Variants in ZXDC observed in about 807,000 individuals in gnomAD.
ZXDC encodes the protein zinc finger protein ZXDC.
A neutral mutation model predicts 63.6 loss-of-function variants in ZXDC; 58 were observed. The observed-to-expected ratio is 0.91, with a 90% confidence interval of 0.74 to 1.13. The LOEUF (loss-of-function observed/expected upper bound fraction) is 1.13. Ranked by LOEUF, ZXDC falls within the 50% of genes most tolerant of loss-of-function variation. ZXDC has a pLI of 0.00. For synonymous variants in ZXDC, 561 were observed against 496.1 expected (o/e 1.13, Z -1.74); for missense variants, 1,133 against 1,148.9 (o/e 0.99, Z 0.20).
intron 1 of ZXDC, among the ~76,000 whole-genome samples, chr3:126,472,984 T>C (rs1481655070): frequency 6.6e-6 from 1 of 152,202 alleles, no homozygotes; most frequent in Non-Finnish European, 1.5e-5. Flanking sequence ...GGCTGCAGGA[T>C]GTTTAACAGG....
Position 126,472,304 on chromosome 3 carries a change from G to A in ZXDC, c.909C>T (p.Gly303=). The A allele has an allele frequency of 6.2e-7, 1 of 1,604,008 alleles. No individual in the cohort carries two copies. Among genetic ancestry groups the A allele is most frequent in the Non-Finnish European group, 8.5e-7 (1 of 1,171,766 alleles). ...PERPYKCDFP[G]CEKTFITVSA... ...TCACTGTGATAAATGTCTTCTCACAGCCTGAACAAGGAAAACACAAACCCT... is the reference window on the plus strand; with the variant it reads ...TCACTGTGATAAATGTCTTCTCACAACCTGAACAAGGAAAACACAAACCCT... The change falls in exon 2 of 10, where the codon GGC becomes GGT. Residue 303 remains glycine, a splice_region_variant and synonymous_variant. Transcript: ENST00000389709.
At chr3:126,459,486 A>T (rs1392171819) in intron 7 of ZXDC, 167 bp downstream of exon 7, 2 of 985,302 alleles carry the variant, frequency 2.0e-6, no homozygotes, top group Non-Finnish European at 2.4e-6. Flanking sequence ...TTTGTTACTA[A>T]TTTTTTCCCT....
chr3:126,438,479 G>C lies in ZXDC; in HGVS notation c.2491-18C>G, dbSNP rs768410615. ...AGCACCTCCTGCAAAACCAAGCATT[G>C]TCATGAAGAGGGAGGAGGGAGGGGA... On this transcript the variant is annotated intron_variant, in intron 9 of 9. Transcript: ENST00000389709. 8 of 1,609,888 alleles carry C rather than the reference G, an allele frequency of 5.0e-6. No homozygotes were observed. The South Asian group carries it at 8.8e-5, about 18-fold the overall frequency.
chr3:126,457,843 GCGGAGTTTTA>G (rs1576676008), intron 7 of ZXDC, among the ~76,000 whole-genome samples: 1 of 152,278 alleles, frequency 6.6e-6, no homozygotes, highest in East Asian at 1.9e-4. Flanking sequence ...CCCACCTGCA[GCGGAGTTTTA>G]CCAACCAACC....
chr3:126,445,072 C>G (rs1471671069), intron 7 of ZXDC, among the ~76,000 whole-genome samples: 1 of 152,162 alleles, frequency 6.6e-6, no homozygotes, highest in Non-Finnish European at 1.5e-5. Context: ...TCTTTTCAAT[C>G]CGCACATTTA....
At chr3:126,439,839 C>CCCCT in intron 8 of ZXDC, 112 bp from the exon 9 acceptor site, 1 of 1,455,420 alleles carries the variant, frequency 6.9e-7, no homozygotes, top group Non-Finnish European at 9.0e-7. Flanking sequence ...ACCAGCCCAC[C>CCCCT]CCCTGTATTC....
In ZXDC at chr3:126,455,298, T is replaced by C. The variant is rs937731764; in HGVS notation, c.2212+4355A>G. 3.3e-5 allele frequency among the ~76,000 whole-genome samples: 5 copies of C among 152,246 alleles called. No individual in the cohort carries two copies. The East Asian group carries it at 9.6e-4, about 29-fold the overall frequency. ...ATGTAGTAACTAGTGGTATTAATAA[T>C]ATATGTACCATATTATCTAAAATTT... On this transcript the variant is annotated intron_variant, in intron 7 of 9. Coordinates refer to ENST00000389709, the MANE Select transcript of ZXDC (RefSeq NM_025112.5).
At chr3:126,454,489 T>C in intron 7 of ZXDC, 5 of 985,426 alleles carry the variant, frequency 5.1e-6, no homozygotes, top group Non-Finnish European at 6.0e-6. Context: ...TGCCTTTGCT[T>C]TATTTTACCC....
At chr3:126,464,474 G>C (rs1175671482) in intron 5 of ZXDC, among the ~76,000 whole-genome samples, 1 of 152,194 alleles carries the variant, frequency 6.6e-6, no homozygotes, top group Non-Finnish European at 1.5e-5. Flanking sequence ...TTTTTCACTA[G>C]ACGAAAGGGT....
intron 7 of ZXDC, chr3:126,454,057 T>C (rs1403956547): frequency 1.4e-6 from 1 of 730,560 alleles, no homozygotes; most frequent in East Asian, 1.5e-4. Context: ...TACACATATA[T>C]ATATATATTT....
chr3:126,463,585 G>A (rs939319038), intron 5 of ZXDC, among the ~76,000 whole-genome samples: 1 of 152,220 alleles, frequency 6.6e-6, no homozygotes, highest in African/African-American at 2.4e-5. Context: ...GATGCTTCAA[G>A]CATCAAGCAA....
At chr3:126,452,174 A>T (rs1934129444) in intron 7 of ZXDC, 1 of 985,262 alleles carries the variant, frequency 1.0e-6, no homozygotes, top group East Asian at 1.1e-4. Context: ...CAGCCCCAGC[A>T]CCAGAACATG....
intron 7 of ZXDC, chr3:126,443,291 C>G (rs1933751227): frequency 1.3e-5 from 2 of 152,238 alleles, no homozygotes. Flanking sequence ...TCATCTCTGA[C>G]TGTTCTCCAC....
chr3:126,443,147 A>G (rs1933746700), intron 7 of ZXDC: 1 of 152,188 alleles, frequency 6.6e-6, no homozygotes, highest in African/African-American at 2.4e-5. Context: ...TGAAGTGCAA[A>G]TGCTAACCAG....
At chr3:126,461,316 AT>A (rs1474656715) in intron 6 of ZXDC, 65 of 1,360,374 alleles carry the variant, frequency 4.8e-5, no homozygotes, top group Middle Eastern at 2.7e-4. Context: ...ATTTAGCCAA[AT>A]CTCCTTATGC....
Position 126,475,327 on chromosome 3 carries a change from G to C in ZXDC, c.539C>G (p.Pro180Arg). Residue 180 changes from proline (P) to arginine (R), a missense_variant, in exon 1 of 10, where the codon CCG (proline) becomes CGG (arginine). Pro to Arg is a moderately radical substitution (Grantham distance 103). Coordinates refer to ENST00000389709, the MANE Select transcript of ZXDC (RefSeq NM_025112.5). Reference protein sequence around the residue: ...PSTPGYRCPEPQCALAFAKKH... With the variant: ...PSTPGYRCPERQCALAFAKKH... ...CTTGGCGAAGGCCAGCGCGCACTGC[G>C]GCTCGGGGCAGCGGTAGCCGGGCGT... 6.5e-7 allele frequency: 1 copy of C among 1,542,610 alleles called. No individual in the cohort carries two copies. Among genetic ancestry groups the C allele is most frequent in the Admixed American group, 2.0e-5 (1 of 50,580 alleles).
At chr3:126,459,569 C>T (rs1934438328) in intron 7 of ZXDC, 84 bp downstream of exon 7, 3 of 1,600,748 alleles carry the variant, frequency 1.9e-6, no homozygotes, top group South Asian at 1.1e-5. Flanking sequence ...AGCACAGAAA[C>T]ACCTGCTGTG....
chr3:126,454,008 T>A (rs1934212190), intron 7 of ZXDC: 1 of 816,490 alleles, frequency 1.2e-6, no homozygotes, highest in African/African-American at 1.9e-5. Flanking sequence ...TATATATATA[T>A]AAGCAGTACT....
At chr3:126,441,970 C>CT in intron 7 of ZXDC, 24 bp from the exon 8 acceptor site, 1 of 1,568,512 alleles carries the variant, frequency 6.4e-7, no homozygotes, top group South Asian at 1.2e-5. Flanking sequence ...TAAAAACGAG[C>CT]ACACCCAATC....
Sources: gnomAD v4.1 joint callset for allele counts (sites outside exome capture counted in the v4.1 genomes callset) on GRCh38, gnomAD v4.1.1 for gene constraint, MANE v1.5 for transcripts, NCBI Gene and HGNC (gene_info 2026-07-23, HGNC 2026-07-21) for gene names.